The following COL26A1 variants were observed in gnomAD, a reference collection of about 807,000 sequenced individuals.
The protein encoded by COL26A1 is collagen type XXVI alpha 1 chain.
In COL26A1, 41 loss-of-function variants were observed where a neutral mutation model predicts 59.3. The observed-to-expected ratio is 0.69, with a 90% CI of 0.54 to 0.90. COL26A1 has a LOEUF of 0.90. Ranked by LOEUF, COL26A1 falls within the 40% of genes least tolerant of loss-of-function variation. The pLI is 0.00. For missense variants in COL26A1, 612 were observed against 602.3 expected (o/e 1.02, Z -0.17); for synonymous variants, 266 against 256.0 (o/e 1.04, Z -0.37).
chr7:101,555,972 C>A, intron 12 of COL26A1, 101 bp downstream of exon 12: 1 of 1,028,120 alleles, frequency 9.7e-7, no homozygotes. Flanking sequence ...GGTCTCCCTC[C>A]CTTGCCCCTA....
At chr7:101,492,570 G>A (rs747502989) in intron 3 of COL26A1, among the ~76,000 whole-genome samples, 67 of 151,584 alleles carry the variant, frequency 4.4e-4, no homozygotes, top group Admixed American at 1.6e-3. Flanking sequence ...GGTGGTGGGC[G>A]CCTGTAATCT....
At chr7:101,551,079 C>A in intron 9 of COL26A1, 29 bp from the exon 10 acceptor site, 1 of 1,551,990 alleles carries the variant, frequency 6.4e-7, no homozygotes, top group Non-Finnish European at 8.7e-7. Flanking sequence ...GACCGGCAGG[C>A]CTCACACGCT....
intron 2 of COL26A1, among the ~76,000 whole-genome samples, chr7:101,444,486 A>G (rs1416382758): frequency 7.1e-6 from 1 of 140,070 alleles, no homozygotes; most frequent in African/African-American, 2.7e-5. Flanking sequence ...CGTGATCTCC[A>G]CTCACCGCAA....
chr7:101,379,025 A>C (rs1426634062), intron 1 of COL26A1, among the ~76,000 whole-genome samples: 1 of 152,052 alleles, frequency 6.6e-6, no homozygotes. Flanking sequence ...AGAAGGTAGC[A>C]GTTTCCTTCT....
rs576329152 is a variant in COL26A1 at position 101,545,859 on chromosome 7, G to A, written c.856+369G>A. ...TCACTCTGCTGGCTGACTTGGCCCA[G>A]ATTCCCTACCTGGCTACCCCACCCC... On this transcript the variant is annotated intron_variant, in intron 7 of 12. Transcript: ENST00000313669. Among the ~76,000 whole-genome samples the A allele has an allele frequency of 1.3e-5, 2 of 152,342 alleles. 1 individual carries two copies. Among genetic ancestry groups the A allele is most frequent in the South Asian group, 4.1e-4 (2 of 4,830 alleles).
chr7:101,402,092 C>G (rs550653739), intron 1 of COL26A1, among the ~76,000 whole-genome samples: 26 of 152,294 alleles, frequency 1.7e-4, no homozygotes, highest in African/African-American at 5.8e-4. Context: ...TGCAGGGGAA[C>G]TGAGGAATTT....
chr7:101,553,880 C>T (rs1038264279), intron 11 of COL26A1, among the ~76,000 whole-genome samples: 8 of 151,664 alleles, frequency 5.3e-5, no homozygotes, highest in African/African-American at 1.5e-4. Context: ...TTGGAGCAAG[C>T]GGAGGCTGGG....
intron 3 of COL26A1, among the ~76,000 whole-genome samples, chr7:101,506,489 C>G (rs1047070496): frequency 2.0e-5 from 3 of 152,216 alleles, no homozygotes; most frequent in Non-Finnish European, 2.9e-5. Context: ...CAGCCCACCC[C>G]CTGGGACAGT....
At chr7:101,456,456 G>A (rs1220301444) in intron 3 of COL26A1, among the ~76,000 whole-genome samples, 9 of 151,912 alleles carry the variant, frequency 5.9e-5, no homozygotes, top group African/African-American at 2.2e-4. Flanking sequence ...CCTGAGGTCG[G>A]GAGTTCGAGA....
chr7:101,527,482 C>T (rs1437339960), intron 3 of COL26A1, among the ~76,000 whole-genome samples: 8 of 150,390 alleles, frequency 5.3e-5, no homozygotes, highest in Non-Finnish European at 1.2e-4. Flanking sequence ...CACGCACCAC[C>T]ACGTCCAGCT....
chr7:101,383,491 G>A (rs1015521073), intron 1 of COL26A1, among the ~76,000 whole-genome samples: 5 of 151,528 alleles, frequency 3.3e-5, no homozygotes, highest in African/African-American at 7.3e-5. Flanking sequence ...CTCAGCCTCC[G>A]AAGTAGCTGG....
intron 3 of COL26A1, among the ~76,000 whole-genome samples, chr7:101,489,768 TTC>T (rs1427231536): frequency 0.066 from 238 of 3,604 alleles, 60 homozygotes; most frequent in Non-Finnish European, 0.098. Flanking sequence ...CTTTCTTTCT[TTC>T]TTTCTTTCTT....
chr7:101,501,185 C>CAAAAAAAAAAAAAAA (rs58672929), intron 3 of COL26A1, among the ~76,000 whole-genome samples: 2 of 74,440 alleles, frequency 2.7e-5, no homozygotes, highest in Non-Finnish European at 5.0e-5. Context: ...GACTCCGTCT[C>CAAAAAAAAAAAAAAA]AAAAAAAAAA....
At chr7:101,435,304 G>A (rs1360806909) in intron 2 of COL26A1, among the ~76,000 whole-genome samples, 2 of 152,132 alleles carry the variant, frequency 1.3e-5, no homozygotes, top group Non-Finnish European at 2.9e-5. Context: ...GGGCCACAGC[G>A]AGACTCCATC....
intron 3 of COL26A1, among the ~76,000 whole-genome samples, chr7:101,492,891 C>T (rs1794495857): frequency 6.6e-6 from 1 of 151,482 alleles, no homozygotes; most frequent in South Asian, 2.1e-4. Context: ...AGGCGTGCAC[C>T]ACCACGCCCA....
intron 3 of COL26A1, among the ~76,000 whole-genome samples, chr7:101,471,571 G>GTTTTTTTTTTTTTTTTTTTTTTTT (rs71517177): frequency 1.1e-5 from 1 of 92,968 alleles, no homozygotes. Context: ...GTTGTTGTTT[G>GTTTTTTTTTTTTTTTTTTTTTTTT]TTTTTTTTTT....
chr7:101,501,201 AGAAAAGAAAAGAAAAG>A (rs1794698756), intron 3 of COL26A1, among the ~76,000 whole-genome samples: 2 of 124,688 alleles, frequency 1.6e-5, no homozygotes, highest in Non-Finnish European at 3.5e-5. Flanking sequence ...AAAAAAAAAA[AGAAAAGAAAAGAAAAG>A]AAAAAAAAAA....
In COL26A1 at chr7:101,363,130, A is replaced by G. The variant is rs1299602348; in HGVS notation, c.98A>G (p.Gln33Arg). 3 of 1,521,964 alleles carry G rather than the reference A, an allele frequency of 2.0e-6. 1 individual carries two copies. In the South Asian group the frequency reaches 3.6e-5, roughly 18 times the overall value. 94.3% of individuals were successfully genotyped at this position (1,521,964 alleles called of 1,614,324 possible). The change falls in exon 1 of 13, where the codon CAG becomes CGG. Residue 33 changes from glutamine to arginine, a missense_variant. Gln to Arg is a conservative substitution (Grantham distance 43). Transcript: ENST00000313669. The part of the protein sequence containing the change: ...FLYPFSAAAL[Q>R]QHGYPEPGAG... ...TATCCCTTCTCGGCCGCAGCTCTGC[A>G]GCAGCACGGCTACCCCGAGCCCGGC... is the stretch of plus-strand genomic sequence containing the variant.
chr7:101,499,867 G>C (rs893233112), intron 3 of COL26A1, among the ~76,000 whole-genome samples: 1 of 137,836 alleles, frequency 7.3e-6, no homozygotes, highest in African/African-American at 3.0e-5. Flanking sequence ...GTGATAGAGG[G>C]AGTCCCTGCC....
Sources: gnomAD v4.1 joint callset for allele counts (sites outside exome capture counted in the v4.1 genomes callset) on GRCh38, gnomAD v4.1.1 for gene constraint, MANE v1.5 for transcripts, NCBI Gene and HGNC (gene_info 2026-07-23, HGNC 2026-07-21) for gene names.